LRRFIP1: variants seen among roughly 807,000 people sequenced by gnomAD.
LRRFIP1 encodes the protein LRR binding FLII interacting protein 1.
Under a neutral mutation model 104.4 loss-of-function variants are expected in LRRFIP1, and 62 were observed. The ratio of observed to expected loss-of-function variants is 0.59; its 90% confidence interval spans 0.48 to 0.73. The LOEUF (loss-of-function observed/expected upper bound fraction) is 0.73. LRRFIP1 is among the 30% of genes least tolerant of loss of function. LRRFIP1 has a pLI of 0.00. For missense variants in LRRFIP1, 796 were observed against 824.5 expected (o/e 0.97, Z 0.42); for synonymous variants, 300 against 299.0 (o/e 1.00, Z -0.03).
At chr2:237,646,179 G>C (rs1365897379) in intron 1 of LRRFIP1, among the ~76,000 whole-genome samples, 1 of 151,686 alleles carries the variant, frequency 6.6e-6, no homozygotes, top group African/African-American at 2.4e-5. Context: ...ATTGTCATTA[G>C]GGAAGATGGA....
Position 237,781,600 on chromosome 2 carries a change from T to C in LRRFIP1, c.*2068T>C, listed in dbSNP as rs562129104. On this transcript the variant is annotated 3_prime_UTR_variant, in exon 24 of 24. Coordinates refer to ENST00000308482, the MANE Select transcript of LRRFIP1 (RefSeq NM_001137550.2). ...AATCCAGAGGAAGCTAGAACACGAT[T>C]TTTAAATTTATTTAGTAAAATAAAA... is the stretch of plus-strand genomic sequence containing the variant. 3.9e-5 allele frequency among the ~76,000 whole-genome samples: 6 copies of C among 152,206 alleles called. No homozygotes were observed. Among genetic ancestry groups the C allele is most frequent in the Non-Finnish European group, 8.8e-5 (6 of 68,038 alleles).
At chr2:237,744,375 G>C (rs2057523230) in intron 11 of LRRFIP1, among the ~76,000 whole-genome samples, 2 of 152,108 alleles carry the variant, frequency 1.3e-5, no homozygotes, top group Admixed American at 1.3e-4. Flanking sequence ...GGTTCCTTTT[G>C]TACCTGGGCC....
In LRRFIP1 at chr2:237,772,114, CAG is replaced by C. The variant is rs1559865441; in HGVS notation, c.1545_1546del (p.Lys516AspfsTer10). Reference sequence around the variant, plus strand: ...ACTCAAAGGGCAGCTGGAGGAGAGACAGAAGATTGGCAAACTAGACAATCTTC... The same window carrying C: ...ACTCAAAGGGCAGCTGGAGGAGAGACAAGATTGGCAAACTAGACAATCTTC... ...KKLKGQLEERQKIGKLDNLRS... is the reference protein window; with the variant it reads ...KKLKGQLEERXKIGKLDNLRS... On this transcript the variant is annotated frameshift_variant, in exon 21 of 24. Coordinates refer to ENST00000308482, the MANE Select transcript of LRRFIP1 (RefSeq NM_001137550.2). LOFTEE classifies it high-confidence loss of function. 7 of 1,613,642 alleles carry C rather than the reference CAG, an allele frequency of 4.3e-6. No individual in the cohort carries two copies. The highest frequency in any genetic ancestry group is 5.1e-6 in the Non-Finnish European group (6 of 1,179,828).
At chr2:237,776,758 C>T (rs1186188990) in intron 23 of LRRFIP1, among the ~76,000 whole-genome samples, 2 of 152,178 alleles carry the variant, frequency 1.3e-5, no homozygotes, top group Non-Finnish European at 2.9e-5. Context: ...TTTTGCATCC[C>T]TTGGCTTCCA....
chr2:237,674,420 T>C (rs572102337), intron 1 of LRRFIP1, among the ~76,000 whole-genome samples: 64 of 152,342 alleles, frequency 4.2e-4, no homozygotes, highest in African/African-American at 1.4e-3. Context: ...CTGTTTGCTA[T>C]CTGCAGGAGT....
At chr2:237,765,706 T>A (rs1394661346) in intron 19 of LRRFIP1, 27 of 940,400 alleles carry the variant, frequency 2.9e-5, no homozygotes, top group Non-Finnish European at 3.2e-5. Context: ...AAAAATTTTT[T>A]AAAATAATTG....
intron 1 of LRRFIP1, among the ~76,000 whole-genome samples, chr2:237,697,983 G>A (rs543982597): frequency 3.9e-5 from 6 of 152,338 alleles, no homozygotes; most frequent in East Asian, 1.9e-4. Context: ...ACTGTATAGC[G>A]TATTTATTTC....
In LRRFIP1 at chr2:237,717,722, T is replaced by C; in HGVS notation, c.202-40T>C. On this transcript the variant is annotated intron_variant, in intron 3 of 23. Coordinates refer to ENST00000308482, the MANE Select transcript of LRRFIP1 (RefSeq NM_001137550.2). The surrounding 1 kb of genome is among the most constrained non-coding windows in gnomAD (Gnocchi z 4.2). ...CTTAGACAACTGCCTTTTTAAGAAA[T>C]TTCACTTCTTGCCTAATTTTCTTTC... 6.7e-7 allele frequency: 1 copy of C among 1,500,236 alleles called. No individual in the cohort carries two copies. The highest frequency in any genetic ancestry group is 9.3e-7 in the Non-Finnish European group (1 of 1,076,490). The allele number at this position is 1,500,236 out of a possible 1,614,324, so 92.9% of individuals were successfully genotyped here. A position where few individuals can be genotyped will look rare whatever the true frequency, so the allele number is the denominator to read the frequency against.
intron 1 of LRRFIP1, among the ~76,000 whole-genome samples, chr2:237,656,108 T>C (rs1483888131): frequency 6.6e-6 from 1 of 152,226 alleles, no homozygotes; most frequent in Non-Finnish European, 1.5e-5. Context: ...AGGAATTACA[T>C]ATGTAACGTA....
intron 8 of LRRFIP1, among the ~76,000 whole-genome samples, chr2:237,733,004 A>G (rs1270081547): frequency 2.0e-5 from 3 of 152,112 alleles, no homozygotes. Flanking sequence ...TACACGTCCT[A>G]TTTGGAGGTT....
At chr2:237,708,511 C>A in intron 1 of LRRFIP1, 33 bp from the exon 2 acceptor site, 1 of 1,520,452 alleles carries the variant, frequency 6.6e-7, no homozygotes, top group South Asian at 1.3e-5. Flanking sequence ...GCCCGCTGCT[C>A]TGTCCTCTAA....
intron 23 of LRRFIP1, among the ~76,000 whole-genome samples, chr2:237,778,825 G>T (rs1353801019): frequency 6.6e-6 from 1 of 152,106 alleles, no homozygotes; most frequent in Non-Finnish European, 1.5e-5. Flanking sequence ...GCTGAGACAA[G>T]AGAATTGTTT....
chr2:237,630,074 G>A (rs1224737576), intron 1 of LRRFIP1, among the ~76,000 whole-genome samples: 10 of 152,274 alleles, frequency 6.6e-5, no homozygotes, highest in East Asian at 3.9e-4. Context: ...GTAACTAGGC[G>A]GTGGGTAAAT....
At chr2:237,657,737 T>G (rs1245090756) in intron 1 of LRRFIP1, among the ~76,000 whole-genome samples, 1 of 152,252 alleles carries the variant, frequency 6.6e-6, no homozygotes, top group Non-Finnish European at 1.5e-5. Flanking sequence ...GAAATTCCAT[T>G]TTTAAAAAAT....
At chr2:237,675,074 G>C (rs954893437) in intron 1 of LRRFIP1, among the ~76,000 whole-genome samples, 6 of 152,194 alleles carry the variant, frequency 3.9e-5, no homozygotes, top group African/African-American at 1.4e-4. Flanking sequence ...TGCAGTTGTT[G>C]GTTCTGTTTC....
chr2:237,649,310 A>C lies in LRRFIP1; in HGVS notation c.96+21570A>C, dbSNP rs1183444784. Among the ~76,000 whole-genome samples the C allele has an allele frequency of 6.6e-6, 1 of 151,996 alleles. No homozygotes were observed. Among genetic ancestry groups the C allele is most frequent in the East Asian group, 1.9e-4 (1 of 5,184 alleles). On this transcript the variant is annotated intron_variant, in intron 1 of 23. Coordinates refer to ENST00000308482, the MANE Select transcript of LRRFIP1 (RefSeq NM_001137550.2). The surrounding 1 kb of genome is among the most constrained non-coding windows in gnomAD (Gnocchi z 4.1). ...TTTGGGAGGCCAGGGCGGGCAGATAACTTGAGGTCAGGAGTTCAAGACCAA... is the reference window on the plus strand; with the variant it reads ...TTTGGGAGGCCAGGGCGGGCAGATACCTTGAGGTCAGGAGTTCAAGACCAA...
intron 16 of LRRFIP1, 97 bp downstream of exon 16, chr2:237,756,284 C>T (rs771725801): frequency 2.7e-5 from 21 of 787,008 alleles, no homozygotes; most frequent in Non-Finnish European, 4.2e-5. Flanking sequence ...AATAAAATAC[C>T]ATACACAGCA....
At chr2:237,698,054 A>G (rs780190796) in intron 1 of LRRFIP1, among the ~76,000 whole-genome samples, 4 of 152,344 alleles carry the variant, frequency 2.6e-5, no homozygotes, top group African/African-American at 4.8e-5. Flanking sequence ...GAATAGGTCA[A>G]TGTGTGAGTC....
In LRRFIP1 at chr2:237,723,429, ATGCATTTT is replaced by A. The variant is rs1443918460; in HGVS notation, c.346-116_346-109del. On this transcript the variant is annotated intron_variant, in intron 6 of 23. Coordinates refer to ENST00000308482, the MANE Select transcript of LRRFIP1 (RefSeq NM_001137550.2). ...ATTAGATCCTAGAAATTATGGAAAAATGCATTTTTGTTAAGATTTTAAAGATTGCTTGT... is the reference window on the plus strand; with the variant it reads ...ATTAGATCCTAGAAATTATGGAAAAATGTTAAGATTTTAAAGATTGCTTGT... 3 of 984,288 alleles carry A rather than the reference ATGCATTTT, an allele frequency of 3.0e-6. No individual in the cohort carries two copies. In the African/African-American group the frequency reaches 4.9e-5, roughly 16 times the overall value. The allele number at this position is 984,288 out of a possible 1,614,324, so 61.0% of individuals were successfully genotyped here.
Sources: allele counts gnomAD v4.1 joint callset (sites outside exome capture counted in the v4.1 genomes callset), GRCh38; gene constraint gnomAD v4.1.1; non-coding constraint Gnocchi (gnomAD v3.1); transcripts MANE v1.5; gene names NCBI Gene and HGNC (gene_info 2026-07-23, HGNC 2026-07-21).